The following CAPRIN2 variants were observed in gnomAD, a reference collection of about 807,000 sequenced individuals.
CAPRIN2 encodes the protein caprin-2.
In CAPRIN2, 66 loss-of-function variants were observed where a neutral mutation model predicts 130.4. That is an observed-to-expected ratio of 0.51 (90% CI 0.42 to 0.62). CAPRIN2 has a LOEUF of 0.62. CAPRIN2 is among the 20% of genes least tolerant of loss of function. The pLI is 0.00. For missense variants in CAPRIN2, 1,185 were observed against 1,246.6 expected (o/e 0.95, Z 0.74); for synonymous variants, 471 against 444.1 (o/e 1.06, Z -0.76).
chr12:30,741,128 CAT>C (rs1363471519), intron 2 of CAPRIN2, 22 bp from the exon 4 acceptor site: 1 of 1,449,400 alleles, frequency 6.9e-7, no homozygotes, highest in East Asian at 2.3e-5. Flanking sequence ...GATAAGAAAA[CAT>C]AAATTTTGTG....
chr12:30,752,697 T>TA (rs1373350255), intron 1 of CAPRIN2, among the ~76,000 whole-genome samples: 2 of 152,024 alleles, frequency 1.3e-5, no homozygotes, highest in Non-Finnish European at 2.9e-5. Flanking sequence ...TAGGTCCAGA[T>TA]AGTCACTCAA....
At position 30,753,733 on chromosome 12, in the gene CAPRIN2, C is replaced by A. The variant is rs773671653; in HGVS notation, c.31G>T (p.Gly11Cys). The change falls in exon 1 of 17, where the codon GGT becomes TGT. Residue 11 changes from glycine to cysteine, a missense_variant. By Grantham distance (159) the Gly-to-Cys change is radical. This residue lies in a region of CAPRIN2 where 1,104 missense variants were observed against 1,104.3 expected (regional missense o/e 1.00). Transcript: ENST00000298892. ...TTTTCCACAGAAGTGAGCTCGAAAC[C>A]CAATGATGCTTGAGATACTTGTACT... 5 of 1,612,368 alleles carry A rather than the reference C, an allele frequency of 3.1e-6. No homozygotes were observed. The African/African-American group carries it at 6.7e-5, about 22-fold the overall frequency.
chr12:30,723,178 T>A, intron 11 of CAPRIN2, 81 bp downstream of exon 12: 1 of 943,972 alleles, frequency 1.1e-6, no homozygotes. Flanking sequence ...TACATGAGAA[T>A]CAGTAAGTCT....
exon 8 of CAPRIN2, chr12:30,728,870 C>T (rs754794418): frequency 1.3e-5 from 21 of 1,614,008 alleles, no homozygotes; most frequent in Non-Finnish European, 1.4e-5. Context: ...TCTGTTCGCT[C>T]TGCATGGAAG....
At chr12:30,719,189 C>G in intron 12 of CAPRIN2, 1 of 1,613,970 alleles carries the variant, frequency 6.2e-7, no homozygotes, top group Non-Finnish European at 8.5e-7. Flanking sequence ...TTTGGAGAAG[C>G]TAGTGAAGAC....
chr12:30,712,266 C>A (rs954321787), intron 15 of CAPRIN2, among the ~76,000 whole-genome samples: 1 of 151,990 alleles, frequency 6.6e-6, no homozygotes, highest in Non-Finnish European at 1.5e-5. Context: ...AAAATTGAAA[C>A]AGGACAAGAA....
chr12:30,729,150 C>A, exon 8 of CAPRIN2: 1 of 1,613,980 alleles, frequency 6.2e-7, no homozygotes, highest in Non-Finnish European at 8.5e-7. Context: ...CTGGTGCTTA[C>A]CAGAAGCCTC....
chr12:30,715,010 G>A (rs775834989), exon 14 of CAPRIN2: 4 of 1,613,956 alleles, frequency 2.5e-6, no homozygotes, highest in South Asian at 1.1e-5. Context: ...CTCCCACCAC[G>A]AGTACATCCT....
intron 11 of CAPRIN2, among the ~76,000 whole-genome samples, chr12:30,722,129 T>C (rs531754023): frequency 1.3e-5 from 2 of 152,342 alleles, no homozygotes; most frequent in African/African-American, 2.4e-5. Flanking sequence ...TCAATTTCAG[T>C]TAAAAGGTTC....
intron 5 of CAPRIN2, among the ~76,000 whole-genome samples, chr12:30,732,884 G>A (rs555298598): frequency 1.4e-4 from 22 of 152,184 alleles, no homozygotes; most frequent in African/African-American, 4.3e-4. Flanking sequence ...AGCGTTATAA[G>A]TGTATGCTTC....
At chr12:30,729,943 G>A (rs1592112680) in intron 7 of CAPRIN2, among the ~76,000 whole-genome samples, 1 of 152,278 alleles carries the variant, frequency 6.6e-6, no homozygotes, top group South Asian at 2.1e-4. Flanking sequence ...GCCAAAAATA[G>A]CTATCATTTG....
At chr12:30,728,280 C>G (rs2061516808) in intron 8 of CAPRIN2, 1 of 174,420 alleles carries the variant, frequency 5.7e-6, no homozygotes, top group Non-Finnish European at 1.2e-5. Context: ...TAAGGCCGGG[C>G]ACAATGGCTC....
At chr12:30,711,937 T>C (rs1180198063) in intron 15 of CAPRIN2, among the ~76,000 whole-genome samples, 3 of 152,218 alleles carry the variant, frequency 2.0e-5, no homozygotes, top group Non-Finnish European at 2.9e-5. Flanking sequence ...AATTTTTAAA[T>C]GTGGCATGGT....
exon 1 of CAPRIN2, chr12:30,753,689 A>C: frequency 6.2e-7 from 1 of 1,614,204 alleles, no homozygotes; most frequent in East Asian, 2.2e-5. Flanking sequence ...TGGAAAGTCT[A>C]GACCACTCCC....
chr12:30,753,543 GAATGGCCTGAAGGTGACTGGTA>G lies in CAPRIN2; in HGVS notation c.199_220del (p.Tyr67GlnfsTer9). 1 of 1,614,090 alleles carries G rather than the reference GAATGGCCTGAAGGTGACTGGTA, an allele frequency of 6.2e-7. No homozygotes were observed. Among genetic ancestry groups the G allele is most frequent in the Non-Finnish European group, 8.5e-7 (1 of 1,180,020 alleles). ...CATATTCCCCTCTCTTTCCTCCTCT[GAATGGCCTGAAGGTGACTGGTA>G]ACCAAAAGGGGATGAAAAGAGTTGC... is the stretch of plus-strand genomic sequence containing the variant. On this transcript the variant is annotated frameshift_variant, in exon 1 of 17. Transcript: ENST00000298892. LOFTEE classifies it high-confidence loss of function.
At chr12:30,728,781 T>C (rs199846266) in exon 8 of CAPRIN2, 100 of 1,614,030 alleles carry the variant, frequency 6.2e-5, no homozygotes, top group Non-Finnish European at 7.6e-6. Context: ...CTCAACATTG[T>C]TTTCCCAGGA....
At chr12:30,752,780 GACT>G (rs1200389685) in intron 1 of CAPRIN2, among the ~76,000 whole-genome samples, 1 of 152,052 alleles carries the variant, frequency 6.6e-6, no homozygotes, top group East Asian at 1.9e-4. Flanking sequence ...CAGGCTACAT[GACT>G]CAGGAAATGA....
At chr12:30,722,002 C>A (rs1281220237) in intron 11 of CAPRIN2, among the ~76,000 whole-genome samples, 1 of 151,970 alleles carries the variant, frequency 6.6e-6, no homozygotes, top group African/African-American at 2.4e-5. Flanking sequence ...AGACAAGTGC[C>A]CAAGAAAAGT....
chr12:30,737,011 T>C (rs1261888072), intron 3 of CAPRIN2, among the ~76,000 whole-genome samples: 2 of 152,162 alleles, frequency 1.3e-5, no homozygotes, highest in Non-Finnish European at 2.9e-5. Context: ...TTTGGGTTTT[T>C]TGTTTGTTTT....
Sources: allele counts gnomAD v4.1 joint callset (sites outside exome capture counted in the v4.1 genomes callset), GRCh38; gene constraint gnomAD v4.1.1; regional missense constraint gnomAD v4.1.1; transcripts MANE v1.5; gene names NCBI Gene and HGNC (gene_info 2026-07-23, HGNC 2026-07-21).